Variants in SLCO1B3 observed in about 807,000 individuals in gnomAD.
The protein encoded by SLCO1B3 is solute carrier organic anion transporter family member 1B3.
A neutral mutation model predicts 71.8 loss-of-function variants in SLCO1B3; 72 were observed. The observed-to-expected ratio is 1.00, with a 90% CI of 0.83 to 1.22. The LOEUF is 1.22. Ranked by LOEUF, SLCO1B3 falls within the 50% of genes most tolerant of loss-of-function variation. The pLI is 0.00. For synonymous variants in SLCO1B3, 298 were observed against 278.4 expected (o/e 1.07, Z -0.70); for missense variants, 911 against 819.7 (o/e 1.11, Z -1.36).
At chr12:20,845,184 G>GTCGA in intron 3 of SLCO1B3, 2 of 449,554 alleles carry the variant, frequency 4.4e-6, no homozygotes, top group Non-Finnish European at 9.0e-6. Flanking sequence ...GTACAAGGTA[G>GTCGA]CCACATGGGA....
At chr12:20,843,500 A>G (rs1012480586) in intron 3 of SLCO1B3, among the ~76,000 whole-genome samples, 1 of 152,144 alleles carries the variant, frequency 6.6e-6, no homozygotes, top group Non-Finnish European at 1.5e-5. Context: ...CAAAAGTATT[A>G]TTCATCCACG....
chr12:20,825,382 G>T (rs1268631841), intron 3 of SLCO1B3, among the ~76,000 whole-genome samples: 6 of 152,116 alleles, frequency 3.9e-5, no homozygotes, highest in Non-Finnish European at 8.8e-5. Context: ...TCTCATGAAT[G>T]CAGTTTATTT....
At chr12:20,886,245 A>T (rs1451447557) in intron 13 of SLCO1B3, among the ~76,000 whole-genome samples, 1 of 152,016 alleles carries the variant, frequency 6.6e-6, no homozygotes, top group Non-Finnish European at 1.5e-5. Context: ...ATCCCTGTAA[A>T]ACTGAGCTGC....
chr12:20,899,216 CT>C (rs1202148458), intron 14 of SLCO1B3, among the ~76,000 whole-genome samples: 1 of 152,130 alleles, frequency 6.6e-6, no homozygotes, highest in Non-Finnish European at 1.5e-5. Flanking sequence ...TGCCATTTGC[CT>C]TTTTTACTGC....
At chr12:20,815,875 T>A in intron 3 of SLCO1B3, 53 bp downstream of exon 3, 1 of 1,202,182 alleles carries the variant, frequency 8.3e-7, no homozygotes, top group Non-Finnish European at 1.2e-6. Context: ...AAAATTTTTA[T>A]GTATAGAAAG....
chr12:20,870,995 T>C (rs528729303), intron 8 of SLCO1B3, among the ~76,000 whole-genome samples: 1 of 152,336 alleles, frequency 6.6e-6, no homozygotes, highest in East Asian at 1.9e-4. Context: ...GATTTATTGA[T>C]TTGCATATGT....
intron 8 of SLCO1B3, among the ~76,000 whole-genome samples, chr12:20,864,908 T>G (rs867150352): frequency 8.6e-5 from 13 of 151,526 alleles, no homozygotes; most frequent in Middle Eastern, 3.4e-3. Flanking sequence ...ATGGGGAGAG[T>G]TGTTGTTGGT....
intron 13 of SLCO1B3, among the ~76,000 whole-genome samples, chr12:20,886,027 T>C (rs999117429): frequency 5.3e-5 from 8 of 152,214 alleles, no homozygotes; most frequent in Admixed American, 4.6e-4. Context: ...TGGGAAGATA[T>C]TTGTGCTTCA....
At chr12:20,888,151 G>A (rs957475845) in intron 13 of SLCO1B3, among the ~76,000 whole-genome samples, 3 of 151,910 alleles carry the variant, frequency 2.0e-5, no homozygotes, top group Non-Finnish European at 2.9e-5. Flanking sequence ...TTGAAGTCAG[G>A]TAATGTGATA....
intron 13 of SLCO1B3, among the ~76,000 whole-genome samples, chr12:20,894,295 A>G (rs1010002183): frequency 1.3e-5 from 2 of 152,216 alleles, no homozygotes; most frequent in African/African-American, 4.8e-5. Flanking sequence ...CATGATAACC[A>G]TGCACGAGCG....
At chr12:20,898,866 C>T (rs377403059) in intron 14 of SLCO1B3, among the ~76,000 whole-genome samples, 1 of 152,126 alleles carries the variant, frequency 6.6e-6, no homozygotes, top group South Asian at 2.1e-4. Context: ...GGAGACATTA[C>T]TTAGGACAGC....
intron 6 of SLCO1B3, among the ~76,000 whole-genome samples, chr12:20,861,798 A>C (rs1010433092): frequency 6.6e-6 from 1 of 152,130 alleles, no homozygotes; most frequent in Admixed American, 6.5e-5. Context: ...TAAATTTCAA[A>C]GTCTTTCTGG....
intron 13 of SLCO1B3, among the ~76,000 whole-genome samples, chr12:20,886,512 G>A (rs189053884): frequency 1.3e-5 from 2 of 152,094 alleles, no homozygotes; most frequent in Admixed American, 6.6e-5. Flanking sequence ...AGGAAAATTG[G>A]GAAAGGATCA....
intron 8 of SLCO1B3, among the ~76,000 whole-genome samples, chr12:20,869,313 C>CTCTT (rs933680514): frequency 1.3e-5 from 2 of 152,332 alleles, no homozygotes; most frequent in African/African-American, 4.8e-5. Context: ...AAGGCTCGCA[C>CTCTT]TCTTGTCTTT....
At chr12:20,899,218 T>C (rs541215321) in intron 14 of SLCO1B3, among the ~76,000 whole-genome samples, 1 of 152,330 alleles carries the variant, frequency 6.6e-6, no homozygotes, top group African/African-American at 2.4e-5. Flanking sequence ...CCATTTGCCT[T>C]TTTTACTGCA....
chr12:20,843,745 C>T (rs958652351), intron 3 of SLCO1B3, among the ~76,000 whole-genome samples: 1 of 151,388 alleles, frequency 6.6e-6, no homozygotes, highest in African/African-American at 2.4e-5. Context: ...TGTGTCACTG[C>T]ACTCCAGCCT....
At chr12:20,845,735 A>G (rs1591758038) in intron 3 of SLCO1B3, among the ~76,000 whole-genome samples, 1 of 152,174 alleles carries the variant, frequency 6.6e-6, no homozygotes, top group Non-Finnish European at 1.5e-5. Context: ...TGTTAGGCTC[A>G]TTTGTTCTAG....
In SLCO1B3 at chr12:20,815,817, T is replaced by C. The variant is rs1484454780; in HGVS notation, c.79T>C (p.Phe27Leu). The change falls in exon 3 of 16, where the codon TTC becomes CTC. Residue 27 changes from phenylalanine (F) to leucine (L), a missense_variant. By Grantham distance (22) the Phe-to-Leu change is conservative. Coordinates refer to ENST00000381545, the MANE Select transcript of SLCO1B3 (RefSeq NM_019844.4). ...AAAGAAAACAAGACGCTGCAATGGA[T>C]TCAAGGTAGAATGGGTTTTATATTT... Reference protein sequence around the residue: ...EKKKTRRCNGFKMFLAALSFS... With the variant: ...EKKKTRRCNGLKMFLAALSFS... 2 of 1,580,664 alleles carry C rather than the reference T, an allele frequency of 1.3e-6. No individual in the cohort carries two copies. The highest frequency in any genetic ancestry group is 1.7e-6 in the Non-Finnish European group (2 of 1,160,494).
chr12:20,895,215 C>T (rs1035638004), intron 13 of SLCO1B3, among the ~76,000 whole-genome samples: 2 of 152,158 alleles, frequency 1.3e-5, no homozygotes, highest in Admixed American at 6.5e-5. Context: ...CTCATGTCCT[C>T]ACATTTCAAT....
Sources: allele counts gnomAD v4.1 joint callset (sites outside exome capture counted in the v4.1 genomes callset), GRCh38; gene constraint gnomAD v4.1.1; transcripts MANE v1.5; gene names NCBI Gene and HGNC (gene_info 2026-07-23, HGNC 2026-07-21).